Variants in TRAPPC9 observed in about 807,000 individuals in gnomAD.
TRAPPC9 encodes IKK2 binding protein.
TRAPPC9 carries 83 observed loss-of-function variants against 124.0 expected under a neutral mutation model. That is an observed-to-expected ratio of 0.67 (90% CI 0.56 to 0.80). TRAPPC9 has a LOEUF of 0.80. Among genes scored for constraint, TRAPPC9 ranks in the 30% least tolerant of loss-of-function variants. The pLI is 0.00. For missense variants in TRAPPC9, 1,302 were observed against 1,508.3 expected, an observed-to-expected ratio of 0.86 and a Z score of 2.27; for synonymous variants, 638 against 617.5, an observed-to-expected ratio of 1.03 and a Z score of -0.49.
intron 17 of TRAPPC9, among the ~76,000 whole-genome samples, chr8:140,164,165 G>A (rs1210466368): frequency 1.3e-5 from 2 of 152,054 alleles, no homozygotes; most frequent in African/African-American, 4.8e-5. Context: ...ATGCACGAGA[G>A]CCACACCTCA....
intron 9 of TRAPPC9, among the ~76,000 whole-genome samples, chr8:140,314,731 T>C (rs141175788): frequency 3.3e-4 from 50 of 152,376 alleles, no homozygotes; most frequent in African/African-American, 1.1e-3. Context: ...ACTTAACATA[T>C]GCCCTCCAGG....
chr8:140,337,166 C>T (rs1045922535), intron 9 of TRAPPC9, among the ~76,000 whole-genome samples: 5 of 152,266 alleles, frequency 3.3e-5, no homozygotes, highest in East Asian at 1.9e-4. Context: ...CACGCAGCCG[C>T]GGAAGCCCAC....
At chr8:140,058,226 A>T (rs1422813883) in intron 17 of TRAPPC9, among the ~76,000 whole-genome samples, 1 of 149,692 alleles carries the variant, frequency 6.7e-6, no homozygotes, top group Non-Finnish European at 1.5e-5. Context: ...TTAATATATG[A>T]TGTGCTTAGG....
Position 140,033,682 on chromosome 8 carries a change from T to TTTG in TRAPPC9, c.2557-9604_2557-9603insCAA, listed in dbSNP as rs1429882581. ...GGTTTTTTTTTTTTTTTTTTTTTTT[T>TTTG]TTTTTTTTTTTTTTTTTGAGACAGA... On this transcript the variant is annotated intron_variant, in intron 17 of 22. Transcript: ENST00000438773. Among the ~76,000 whole-genome samples the TTTG allele has an allele frequency of 2.8e-4, 33 of 117,482 alleles. No homozygotes were observed. In the East Asian group the frequency reaches 4.5e-3, roughly 16 times the overall value. 77.1% of individuals were successfully genotyped at this position (117,482 alleles called of 152,430 possible).
intron 21 of TRAPPC9, among the ~76,000 whole-genome samples, chr8:139,813,899 TGGGGGCAGA>T (rs1824628976): frequency 6.6e-6 from 1 of 151,898 alleles, no homozygotes; most frequent in South Asian, 2.1e-4. Flanking sequence ...GGTGACAGCG[TGGGGGCAGA>T]GGGCTGCAGA....
chr8:140,114,151 G>C (rs780260306), intron 17 of TRAPPC9, among the ~76,000 whole-genome samples: 3 of 151,992 alleles, frequency 2.0e-5, no homozygotes, highest in African/African-American at 7.3e-5. Context: ...GCTTCCGAGC[G>C]GGGACTGTTA....
At chr8:140,223,043 T>C (rs538657748) in intron 16 of TRAPPC9, among the ~76,000 whole-genome samples, 2 of 152,334 alleles carry the variant, frequency 1.3e-5, no homozygotes, top group African/African-American at 4.8e-5. Context: ...CCAGAGTACA[T>C]GTGCAGGATG....
In TRAPPC9 at chr8:140,271,172, T is replaced by G. The variant is rs145914968; in HGVS notation, c.2278+4486A>C. On this transcript the variant is annotated intron_variant, in intron 15 of 22. Transcript: ENST00000438773. Reference sequence around the variant, plus strand: ...CAACCAAACTCTATAACCAATTAATTAAGTTCAGAGTACCAGATGAAGGAT... The same window carrying G: ...CAACCAAACTCTATAACCAATTAATGAAGTTCAGAGTACCAGATGAAGGAT... Among the ~76,000 whole-genome samples, 142 of 152,298 alleles carry G rather than the reference T, an allele frequency of 9.3e-4. 1 individual carries two copies. In the East Asian group the frequency reaches 0.023, roughly 25 times the overall value.
chr8:139,952,842 C>T (rs891455812), intron 19 of TRAPPC9, among the ~76,000 whole-genome samples: 7 of 152,224 alleles, frequency 4.6e-5, no homozygotes, highest in Non-Finnish European at 1.0e-4. Context: ...ATTCTCTAAT[C>T]GGATTCTATA....
intron 18 of TRAPPC9, among the ~76,000 whole-genome samples, chr8:140,014,504 C>T (rs1051727852): frequency 2.6e-5 from 4 of 152,044 alleles, no homozygotes; most frequent in South Asian, 4.2e-4. Context: ...AAAAAACTGC[C>T]CCCTCTGTTA....
At chr8:140,240,865 T>C (rs1204771289) in intron 16 of TRAPPC9, among the ~76,000 whole-genome samples, 2 of 152,176 alleles carry the variant, frequency 1.3e-5, no homozygotes. Flanking sequence ...AAACAGAGTT[T>C]CCCATCATAC....
Position 140,216,220 on chromosome 8 carries a change from G to T in TRAPPC9, c.2556+5239C>A, listed in dbSNP as rs140937017. 8.5e-5 allele frequency among the ~76,000 whole-genome samples: 13 copies of T among 152,150 alleles called. No individual in the cohort carries two copies. In the East Asian group the frequency reaches 1.5e-3, roughly 18 times the overall value. On this transcript the variant is annotated intron_variant, in intron 17 of 22. Coordinates refer to ENST00000438773, the MANE Select transcript of TRAPPC9 (RefSeq NM_001160372.4). The surrounding 1 kb of genome is among the most constrained non-coding windows in gnomAD (Gnocchi z 4.1). ...CCAAAAGGACAATTTCGATGCAAGTGCCTGATATGCAAGAGTTCCTCGGTA... is the reference window on the plus strand; with the variant it reads ...CCAAAAGGACAATTTCGATGCAAGTTCCTGATATGCAAGAGTTCCTCGGTA...
chr8:140,424,071 T>C (rs1458322828), intron 5 of TRAPPC9, among the ~76,000 whole-genome samples: 1 of 152,170 alleles, frequency 6.6e-6, no homozygotes. Flanking sequence ...GTTGCACAAC[T>C]TTGTAAATAT....
rs1002134846 is a variant in TRAPPC9 at position 139,776,139 on chromosome 8, C to A, written c.3056-43937G>T. Reference sequence around the variant, plus strand: ...AGGACGAGGCTGGACTCTGCCAGGACCACGTGCTAGTCATGGGGGCTTGGG... The same window carrying A: ...AGGACGAGGCTGGACTCTGCCAGGAACACGTGCTAGTCATGGGGGCTTGGG... On this transcript the variant is annotated intron_variant, in intron 21 of 22. Transcript: ENST00000438773. This position sits in a 1 kb window ranked among gnomAD's most constrained non-coding sequence, Gnocchi z 4.1. 1.3e-5 allele frequency among the ~76,000 whole-genome samples: 2 copies of A among 152,220 alleles called. No individual in the cohort carries two copies. Among genetic ancestry groups the A allele is most frequent in the Non-Finnish European group, 2.9e-5 (2 of 68,032 alleles).
At chr8:140,091,250 T>C (rs975935235) in intron 17 of TRAPPC9, among the ~76,000 whole-genome samples, 1 of 152,170 alleles carries the variant, frequency 6.6e-6, no homozygotes, top group Non-Finnish European at 1.5e-5. Context: ...CTGAGATATC[T>C]GCCTTCCTGT....
chr8:139,855,410 T>G (rs1827737878), intron 21 of TRAPPC9, among the ~76,000 whole-genome samples: 1 of 152,180 alleles, frequency 6.6e-6, no homozygotes, highest in Non-Finnish European at 1.5e-5. Flanking sequence ...GTCACTTCCT[T>G]CTCTGAACTT....
intron 1 of TRAPPC9, 69 bp downstream of exon 1, chr8:140,457,570 C>G: frequency 5.1e-6 from 5 of 981,938 alleles, no homozygotes; most frequent in Non-Finnish European, 4.8e-6. Flanking sequence ...GACTCCACGG[C>G]CAGCCGCGCA....
intron 21 of TRAPPC9, among the ~76,000 whole-genome samples, chr8:139,845,923 C>T (rs1247232556): frequency 6.6e-6 from 1 of 152,318 alleles, no homozygotes; most frequent in African/African-American, 2.4e-5. Context: ...AAAGCCAGCC[C>T]ATGGGTCAGA....
In TRAPPC9 at chr8:140,361,030, C is replaced by T. The variant is rs186731025; in HGVS notation, c.1352-837G>A. Among the ~76,000 whole-genome samples, 19 of 152,364 alleles carry T rather than the reference C, an allele frequency of 1.2e-4. 1 individual carries two copies. The East Asian group carries it at 3.7e-3, about 29-fold the overall frequency. On this transcript the variant is annotated intron_variant, in intron 8 of 22. Coordinates refer to ENST00000438773, the MANE Select transcript of TRAPPC9 (RefSeq NM_001160372.4). ...GGGATTACAGGTATGAGCCACTGCT[C>T]CCAGCCAATCTGTGTTAACACACAC... is the stretch of plus-strand genomic sequence containing the variant.
Sources: allele counts gnomAD v4.1 joint callset (sites outside exome capture counted in the v4.1 genomes callset), GRCh38; gene constraint gnomAD v4.1.1; non-coding constraint Gnocchi (gnomAD v3.1); transcripts MANE v1.5; gene names NCBI Gene and HGNC (gene_info 2026-07-23, HGNC 2026-07-21).